Variants in CTNNA2 observed in about 807,000 individuals in gnomAD.
The protein encoded by CTNNA2 is catenin alpha-2.
A neutral mutation model predicts 101.0 loss-of-function variants in CTNNA2; 42 were observed. The observed-to-expected ratio is 0.42, with a 90% CI of 0.32 to 0.54. CTNNA2 has a LOEUF of 0.54. Ranked by LOEUF, CTNNA2 falls within the 20% of genes least tolerant of loss-of-function variation. CTNNA2 has a pLI of 0.14. For missense variants in CTNNA2, 871 were observed against 1,223.1 expected (o/e 0.71, Z 4.29); for synonymous variants, 450 against 456.4 (o/e 0.99, Z 0.18).
At chr2:79,688,438 T>C (rs997456807) in intron 2 of CTNNA2, among the ~76,000 whole-genome samples, 2 of 151,876 alleles carry the variant, frequency 1.3e-5, no homozygotes, top group Non-Finnish European at 2.9e-5. Context: ...TAAAAACAAA[T>C]CAAATAGAAC....
intron 1 of CTNNA2, among the ~76,000 whole-genome samples, chr2:79,558,909 G>A (rs1674603865): frequency 1.3e-5 from 2 of 151,764 alleles, no homozygotes; most frequent in East Asian, 1.9e-4. Context: ...TTGAATAAAT[G>A]CTGGTACTCT....
rs9309553 is a variant in CTNNA2 at position 79,891,074 on chromosome 2, G to C, written c.852+16732G>C. 0.031 allele frequency among the ~76,000 whole-genome samples: 4,670 copies of C among 151,382 alleles called. 333 individuals are homozygous for C. The East Asian group carries it at 0.31, about 10-fold the overall frequency. On this transcript the variant is annotated intron_variant, in intron 6 of 18. Transcript: ENST00000402739. ...AGGGCACACAGACATTCAGACCATA[G>C]GATATTTGGACATTTTTCTATATCA...
chr2:80,015,694 G>A (rs755336410), intron 7 of CTNNA2, among the ~76,000 whole-genome samples: 3 of 152,164 alleles, frequency 2.0e-5, no homozygotes, highest in Non-Finnish European at 2.9e-5. Flanking sequence ...GATAATCCAC[G>A]TGCTGCCTAA....
chr2:80,153,535 C>G (rs1471177957), intron 7 of CTNNA2, among the ~76,000 whole-genome samples: 1 of 152,120 alleles, frequency 6.6e-6, no homozygotes, highest in South Asian at 2.1e-4. Context: ...AAATAATAAC[C>G]GCCTGTTTTC....
At chr2:79,751,539 T>G (rs1672036194) in intron 3 of CTNNA2, among the ~76,000 whole-genome samples, 1 of 131,940 alleles carries the variant, frequency 7.6e-6, no homozygotes, top group Non-Finnish European at 1.5e-5. Flanking sequence ...GAGGTTGCAG[T>G]GAGGCAAGAT....
intron 18 of CTNNA2, among the ~76,000 whole-genome samples, chr2:80,628,534 A>G (rs1156895292): frequency 6.6e-6 from 1 of 151,908 alleles, no homozygotes; most frequent in African/African-American, 2.4e-5. Context: ...CATATGCAGA[A>G]AGCTGAAGTT....
At chr2:80,482,236 G>A (rs1268181719) in intron 9 of CTNNA2, among the ~76,000 whole-genome samples, 1 of 152,062 alleles carries the variant, frequency 6.6e-6, no homozygotes, top group Admixed American at 6.6e-5. Context: ...TTTCATCTGG[G>A]AACACCTTGA....
chr2:80,080,893 T>C (rs1271742033), intron 7 of CTNNA2, among the ~76,000 whole-genome samples: 1 of 149,636 alleles, frequency 6.7e-6, no homozygotes, highest in African/African-American at 2.5e-5. Context: ...AGCAGTCTAG[T>C]TGTGAAATAA....
At chr2:79,832,086 T>C (rs1396873809) in intron 3 of CTNNA2, among the ~76,000 whole-genome samples, 2 of 152,148 alleles carry the variant, frequency 1.3e-5, no homozygotes, top group Non-Finnish European at 2.9e-5. Flanking sequence ...CAGTTTTCAG[T>C]CCCATACTCA....
chr2:79,457,455 TGAAAG>T (rs1202157054), intron 4 of CTNNA2, among the ~76,000 whole-genome samples: 2 of 152,010 alleles, frequency 1.3e-5, no homozygotes, highest in East Asian at 1.9e-4. Context: ...TTTTCAAACA[TGAAAG>T]GAAAATGATT....
intron 7 of CTNNA2, among the ~76,000 whole-genome samples, chr2:80,391,267 A>G (rs1677488644): frequency 6.6e-6 from 1 of 152,064 alleles, no homozygotes; most frequent in African/African-American, 2.4e-5. Flanking sequence ...CACCAGTCCC[A>G]GGCCCATTTG....
At chr2:80,412,838 T>G (rs1679708304) in intron 8 of CTNNA2, among the ~76,000 whole-genome samples, 1 of 152,118 alleles carries the variant, frequency 6.6e-6, no homozygotes, top group African/African-American at 2.4e-5. Context: ...CAGTCTAGCC[T>G]GGGCACATGC....
At chr2:79,650,230 C>T (rs1035462895) in intron 1 of CTNNA2, among the ~76,000 whole-genome samples, 1 of 148,380 alleles carries the variant, frequency 6.7e-6, no homozygotes, top group Non-Finnish European at 1.5e-5. Context: ...GTGGAGACTG[C>T]TACCTGCATG....
At chr2:79,692,836 A>G (rs2104710065) in intron 2 of CTNNA2, among the ~76,000 whole-genome samples, 1 of 133,352 alleles carries the variant, frequency 7.5e-6, no homozygotes, top group Admixed American at 8.5e-5. Flanking sequence ...GAACACATGG[A>G]CACAGGGAGG....
intron 7 of CTNNA2, among the ~76,000 whole-genome samples, chr2:80,259,645 A>C (rs566165175): frequency 4.6e-4 from 70 of 152,324 alleles, no homozygotes; most frequent in Non-Finnish European, 9.0e-4. Flanking sequence ...CTGGGACATA[A>C]AGCAACTCAA....
At chr2:80,628,286 A>G (rs571934408) in intron 18 of CTNNA2, among the ~76,000 whole-genome samples, 1 of 152,168 alleles carries the variant, frequency 6.6e-6, no homozygotes, top group Non-Finnish European at 1.5e-5. Flanking sequence ...ATGTGGAACC[A>G]AAAAAGAGCC....
intron 3 of CTNNA2, among the ~76,000 whole-genome samples, chr2:79,332,045 C>T (rs527695972): frequency 6.6e-6 from 1 of 152,008 alleles, no homozygotes; most frequent in Non-Finnish European, 1.5e-5. Context: ...GATCTTCATA[C>T]CACTGGCAAA....
intron 9 of CTNNA2, among the ~76,000 whole-genome samples, chr2:80,450,955 C>T (rs751849204): frequency 6.6e-6 from 1 of 151,396 alleles, no homozygotes; most frequent in Non-Finnish European, 1.5e-5. Flanking sequence ...TCATTAATAA[C>T]CTCCTGACCA....
At chr2:79,905,220 AAAGCAAAT>A (rs1418312315) in intron 6 of CTNNA2, among the ~76,000 whole-genome samples, 1 of 152,228 alleles carries the variant, frequency 6.6e-6, no homozygotes, top group Admixed American at 6.5e-5. Context: ...AATAGTATGC[AAAGCAAAT>A]AAGCAAATAA....
Sources: allele counts gnomAD v4.1 joint callset (sites outside exome capture counted in the v4.1 genomes callset), GRCh38; gene constraint gnomAD v4.1.1; transcripts MANE v1.5; gene names NCBI Gene and HGNC (gene_info 2026-07-23, HGNC 2026-07-21).